Variants in HYDIN observed in about 807,000 individuals in gnomAD.
The protein encoded by HYDIN is axonemal central pair apparatus protein HYDIN.
HYDIN carries 132 observed loss-of-function variants against 403.9 expected under a neutral mutation model. The ratio of observed to expected loss-of-function variants is 0.33; its 90% CI spans 0.28 to 0.38. HYDIN has a LOEUF of 0.38. Among genes scored for constraint, HYDIN ranks in the 10% least tolerant of loss-of-function variants. The probability of loss-of-function intolerance (pLI) is 1.00; values close to 1 mark genes in which losing one functional copy is unlikely to be tolerated. For missense variants in HYDIN, 2,827 were observed against 5,009.5 expected, an observed-to-expected ratio of 0.56 and a Z score of 13.15; for synonymous variants, 1,202 against 1,891.7, an observed-to-expected ratio of 0.64 and a Z score of 9.46.
At chr16:71,187,308 A>G (rs2087202301) in intron 1 of HYDIN, among the ~76,000 whole-genome samples, 1 of 152,194 alleles carries the variant, frequency 6.6e-6, no homozygotes, top group African/African-American at 2.4e-5. Context: ...TTCAAACAGA[A>G]TAAATACAAG....
At chr16:71,102,375 T>A (rs2083483100) in intron 10 of HYDIN, among the ~76,000 whole-genome samples, 1 of 152,124 alleles carries the variant, frequency 6.6e-6, no homozygotes, top group Admixed American at 6.6e-5. Context: ...CAAAACTTGC[T>A]GAAATGTTAA....
intron 63 of HYDIN, 27 bp downstream of exon 63, chr16:70,874,790 C>T (rs2040349128): frequency 6.2e-7 from 1 of 1,604,488 alleles, no homozygotes; most frequent in East Asian, 2.2e-5. Context: ...ATCCATTGCC[C>T]TCTAGAAGCA....
intron 1 of HYDIN, among the ~76,000 whole-genome samples, chr16:71,200,346 T>A (rs2087931515): frequency 6.6e-6 from 1 of 152,144 alleles, no homozygotes; most frequent in South Asian, 2.1e-4. Flanking sequence ...TTGCACAAGA[T>A]CCCAGAACCC....
chr16:71,007,039 CTCT>C (rs905534004), intron 23 of HYDIN, among the ~76,000 whole-genome samples: 7 of 131,512 alleles, frequency 5.3e-5, no homozygotes, highest in Non-Finnish European at 9.5e-5. Flanking sequence ...TCCCTCTCTT[CTCT>C]TCTTCTTGCC....
intron 47 of HYDIN, among the ~76,000 whole-genome samples, chr16:70,910,515 G>A (rs2076666906): frequency 6.6e-6 from 1 of 152,248 alleles, no homozygotes; most frequent in African/African-American, 2.4e-5. Context: ...CCACCATTTT[G>A]CAATTGTGAA....
chr16:70,877,707 G>A (rs1383331315), intron 62 of HYDIN, among the ~76,000 whole-genome samples: 1 of 152,114 alleles, frequency 6.6e-6, no homozygotes, highest in African/African-American at 2.4e-5. Context: ...GTGGTAATGT[G>A]AGTGATGGGG....
At chr16:71,134,884 G>A (rs897851384) in intron 8 of HYDIN, among the ~76,000 whole-genome samples, 3 of 152,146 alleles carry the variant, frequency 2.0e-5, no homozygotes, top group African/African-American at 7.2e-5. Flanking sequence ...TGCAACAAGA[G>A]ATCAGCATGA....
At position 70,860,087 on chromosome 16, in the gene HYDIN, T is replaced by C; in HGVS notation, c.12110A>G (p.His4037Arg). Residue 4037 changes from histidine to arginine, a missense_variant, in exon 71 of 86, where the codon CAC becomes CGC. His to Arg is a conservative substitution (Grantham distance 29, BLOSUM62 0). Coordinates refer to ENST00000393567, the MANE Select transcript of HYDIN (RefSeq NM_001270974.2). ...FTCLTEKGFI[H>R]PEKKAEIVFQ... ...ACATACCTCGGCTTTCTTTTCAGGG[T>C]GGATGAAGCCCTTTTCTGTAAGGCA... 1 of 1,611,494 alleles carries C rather than the reference T, an allele frequency of 6.2e-7. No homozygotes were observed. The highest frequency in any genetic ancestry group is 8.5e-7 in the Non-Finnish European group (1 of 1,178,930).
intron 73 of HYDIN, among the ~76,000 whole-genome samples, chr16:70,852,544 C>A (rs1421546746): frequency 7.4e-6 from 1 of 135,832 alleles, no homozygotes; most frequent in East Asian, 2.1e-4. Context: ...AAGATATTTG[C>A]AGATCATGTA....
chr16:71,086,028 C>G lies in HYDIN; in HGVS notation c.1670+2273G>C, dbSNP rs369296810. Among the ~76,000 whole-genome samples the G allele has an allele frequency of 1.2e-4, 19 of 152,270 alleles. No individual in the cohort carries two copies. The East Asian group carries it at 2.3e-3, about 19-fold the overall frequency. ...TAATGTAATTGTTGATAGGGCAGGA[C>G]TCATGCTACTTATTTTCTATATGTC... On this transcript the variant is annotated intron_variant, in intron 12 of 85. Transcript: ENST00000393567.
chr16:70,933,744 A>G (rs1159436896), intron 45 of HYDIN: 2 of 154,882 alleles, frequency 1.3e-5, no homozygotes, highest in Non-Finnish European at 2.9e-5. Context: ...TTGTTAAAAC[A>G]TTGGTTTAGC....
intron 18 of HYDIN, among the ~76,000 whole-genome samples, chr16:71,056,938 C>T (rs1479549335): frequency 3.6e-5 from 5 of 138,562 alleles, no homozygotes; most frequent in Non-Finnish European, 6.3e-5. Flanking sequence ...GGACATCCAA[C>T]AAAAATCTCG....
intron 10 of HYDIN, among the ~76,000 whole-genome samples, chr16:71,099,144 A>G (rs983481447): frequency 1.3e-5 from 2 of 151,248 alleles, no homozygotes; most frequent in African/African-American, 4.9e-5. Flanking sequence ...GAACCCCTTT[A>G]ATGACCCTGA....
At chr16:70,970,797 T>A in intron 35 of HYDIN, 38 bp from the exon 36 acceptor site, 1 of 1,595,822 alleles carries the variant, frequency 6.3e-7, no homozygotes, top group Non-Finnish European at 8.6e-7. Flanking sequence ...TCTGAGTTTA[T>A]TTCCATTACA....
At chr16:71,077,147 AC>A (rs1479192616) in intron 13 of HYDIN, among the ~76,000 whole-genome samples, 2 of 151,036 alleles carry the variant, frequency 1.3e-5, no homozygotes, top group Non-Finnish European at 2.9e-5. Context: ...CTGAAATTTC[AC>A]ATTGAGCATG....
At chr16:71,008,568 T>C (rs2079967777) in intron 23 of HYDIN, among the ~76,000 whole-genome samples, 1 of 152,042 alleles carries the variant, frequency 6.6e-6, no homozygotes, top group East Asian at 1.9e-4. Flanking sequence ...CTTGGACATA[T>C]TCTTTGTGGT....
chr16:70,962,945 C>T (rs2143956748), intron 37 of HYDIN, among the ~76,000 whole-genome samples: 1 of 151,406 alleles, frequency 6.6e-6, no homozygotes, highest in East Asian at 2.0e-4. Flanking sequence ...GTGTGCCTTT[C>T]TGGGTTCCCT....
chr16:71,030,855 C>A (rs2080880328), intron 19 of HYDIN, among the ~76,000 whole-genome samples: 1 of 152,044 alleles, frequency 6.6e-6, no homozygotes, highest in South Asian at 2.1e-4. Context: ...CCAATGGAAA[C>A]CATCTCAGTT....
Position 71,195,695 on chromosome 16 carries a change from C to T in HYDIN, c.-23-8777G>A, listed in dbSNP as rs746654399. ...TCACATTGGCCTCTGCTCTCTTCCC[C>T]TTGAAAAGCTTCTTAAAAACAATCT... On this transcript the variant is annotated intron_variant, in intron 1 of 85. Transcript: ENST00000393567. 1.1e-4 allele frequency among the ~76,000 whole-genome samples: 16 copies of T among 152,162 alleles called. 1 individual carries two copies. The highest frequency in any genetic ancestry group is 2.1e-4 in the Non-Finnish European group (14 of 68,026).
Sources: allele counts gnomAD v4.1 joint callset (sites outside exome capture counted in the v4.1 genomes callset), GRCh38; gene constraint gnomAD v4.1.1; transcripts MANE v1.5; gene names NCBI Gene and HGNC (gene_info 2026-07-23, HGNC 2026-07-21).